The following ANK3 variants were observed in gnomAD, a reference collection of about 807,000 sequenced individuals.
ANK3 encodes the protein ankyrin 3.
In ANK3, 57 loss-of-function variants were observed where a neutral mutation model predicts 370.9. The observed-to-expected ratio is 0.15, with a 90% CI of 0.12 to 0.19. ANK3 has a LOEUF of 0.19. ANK3 is among the 10% of genes least tolerant of loss of function. The probability of loss-of-function intolerance (pLI) is 1.00; values close to 1 mark genes in which losing one functional copy is unlikely to be tolerated. For synonymous variants in ANK3, 1,929 were observed against 1,946.3 expected, an observed-to-expected ratio of 0.99 and a Z score of 0.23; for missense variants, 4,439 against 5,302.1, an observed-to-expected ratio of 0.84 and a Z score of 5.06.
At chr10:60,701,102 G>GA (rs2079539806) in intron 1 of ANK3, among the ~76,000 whole-genome samples, 1 of 151,766 alleles carries the variant, frequency 6.6e-6, no homozygotes, top group Admixed American at 6.6e-5. Context: ...ATGGTCTAAA[G>GA]AAACAGTTGA....
chr10:60,150,094 T>C (rs867756446), intron 23 of ANK3, among the ~76,000 whole-genome samples: 2 of 152,166 alleles, frequency 1.3e-5, no homozygotes, highest in African/African-American at 4.8e-5. Context: ...TCAGGTTTTT[T>C]CCCCTTCATC....
intron 42 of ANK3, among the ~76,000 whole-genome samples, chr10:60,051,783 GCA>G (rs2078080041): frequency 8.8e-6 from 1 of 114,032 alleles, no homozygotes; most frequent in South Asian, 2.8e-4. Context: ...ATTACTCTGT[GCA>G]TGTGTGTGTG....
intron 33 of ANK3, among the ~76,000 whole-genome samples, chr10:60,083,015 G>GT (rs535379074): frequency 1.4e-4 from 21 of 151,306 alleles, no homozygotes; most frequent in Admixed American, 3.3e-4. Context: ...CCTTCTAACA[G>GT]TTTTTTTTTC....
chr10:60,557,669 TTTATG>T (rs1479234435), intron 2 of ANK3, among the ~76,000 whole-genome samples: 1 of 152,154 alleles, frequency 6.6e-6, no homozygotes, highest in East Asian at 1.9e-4. Flanking sequence ...AATAGTAAAT[TTTATG>T]TTATGAGTAT....
intron 7 of ANK3, among the ~76,000 whole-genome samples, chr10:60,250,661 G>A (rs1023567645): frequency 1.1e-4 from 17 of 152,044 alleles, no homozygotes; most frequent in East Asian, 3.9e-4. Context: ...CACCGCACCC[G>A]GCCTGCTTTT....
upstream of ANK3, among the ~76,000 whole-genome samples, chr10:60,393,869 T>C (rs566102469): frequency 6.6e-6 from 1 of 151,878 alleles, no homozygotes; most frequent in South Asian, 2.1e-4. Flanking sequence ...AATATTACAC[T>C]GTACTATAAA....
At chr10:60,211,725 A>G (rs1441512078) in intron 9 of ANK3, among the ~76,000 whole-genome samples, 1 of 152,020 alleles carries the variant, frequency 6.6e-6, no homozygotes, top group Non-Finnish European at 1.5e-5. Context: ...TCAAAAAACT[A>G]TACCGCCTAA....
At position 60,278,084 on chromosome 10, in the gene ANK3, C is replaced by T. The variant is rs145201384; in HGVS notation, c.414+690G>A. Among the ~76,000 whole-genome samples, 12 of 152,220 alleles carry T rather than the reference C, an allele frequency of 7.9e-5. No homozygotes were observed. In the East Asian group the frequency reaches 2.3e-3, roughly 29 times the overall value. ...GATAAATGATAACCTATTGGTGTTC[C>T]TCTTAGAAATTCAATGAAAGACCAT... On this transcript the variant is annotated intron_variant, in intron 4 of 43. Transcript: ENST00000280772.
intron 28 of ANK3, among the ~76,000 whole-genome samples, chr10:60,093,182 C>T (rs2089116824): frequency 6.6e-6 from 1 of 152,218 alleles, no homozygotes; most frequent in Non-Finnish European, 1.5e-5. Context: ...ATATTTCCCT[C>T]TCCATGATTT....
At chr10:60,309,388 G>A (rs1432647007) in intron 1 of ANK3, among the ~76,000 whole-genome samples, 1 of 152,180 alleles carries the variant, frequency 6.6e-6, no homozygotes, top group Non-Finnish European at 1.5e-5. Context: ...CTCCTTCTCT[G>A]AGGGGCTCCA....
Position 60,029,580 on chromosome 10 carries a change from G to A in ANK3, c.*266C>T, listed in dbSNP as rs2072800445. The A allele has an allele frequency of 6.6e-6, 1 of 152,580 alleles. No homozygotes were observed. The highest frequency in any genetic ancestry group is 2.4e-5 in the African/African-American group (1 of 41,430). The allele number at this position is 152,580 out of a possible 1,614,324, so 9.5% of individuals were successfully genotyped here. On this transcript the variant is annotated 3_prime_UTR_variant, in exon 44 of 44. Transcript: ENST00000280772. ...TAAACTGTTAACAGCATGGCTTCTT[G>A]TATATACACTGCATTGCTAATTGCA...
At chr10:60,455,416 T>A (rs2064721034) in intron 2 of ANK3, among the ~76,000 whole-genome samples, 1 of 152,170 alleles carries the variant, frequency 6.6e-6, no homozygotes, top group Non-Finnish European at 1.5e-5. Flanking sequence ...AAATCTTTAT[T>A]CAAAGTATGC....
At chr10:60,503,971 T>C (rs2075869788) in intron 2 of ANK3, among the ~76,000 whole-genome samples, 2 of 152,192 alleles carry the variant, frequency 1.3e-5, no homozygotes, top group African/African-American at 4.8e-5. Flanking sequence ...AAAGAATGAT[T>C]CTAACAGTGA....
intron 16 of ANK3, among the ~76,000 whole-genome samples, chr10:60,191,972 G>A (rs1041334484): frequency 3.9e-4 from 60 of 151,964 alleles, no homozygotes; most frequent in African/African-American, 1.4e-3. Context: ...GCAGTGGCGC[G>A]GTCTTGGCTC....
intron 1 of ANK3, among the ~76,000 whole-genome samples, chr10:60,323,322 T>C (rs2049079833): frequency 6.6e-6 from 1 of 152,292 alleles, no homozygotes; most frequent in Middle Eastern, 3.4e-3. Context: ...GACAGCAGCT[T>C]ATGGAGGGAG....
chr10:60,232,083 C>A (rs530996530), intron 8 of ANK3, among the ~76,000 whole-genome samples: 4 of 152,152 alleles, frequency 2.6e-5, no homozygotes, highest in Non-Finnish European at 4.4e-5. Context: ...CCCTGTGACC[C>A]TCTATGCCCT....
At chr10:60,191,412 G>A (rs2096478492) in intron 16 of ANK3, among the ~76,000 whole-genome samples, 2 of 151,810 alleles carry the variant, frequency 1.3e-5, no homozygotes, top group Admixed American at 6.6e-5. Flanking sequence ...TAAAAAGAAG[G>A]CAAAGGACAC....
At chr10:60,701,007 AAT>A (rs2079538261) in intron 1 of ANK3, among the ~76,000 whole-genome samples, 3 of 152,104 alleles carry the variant, frequency 2.0e-5, no homozygotes. Flanking sequence ...AGCTGGTAAA[AAT>A]ATGATTTACA....
intron 2 of ANK3, among the ~76,000 whole-genome samples, chr10:60,505,371 A>G (rs1206891264): frequency 6.6e-6 from 1 of 152,048 alleles, no homozygotes; most frequent in Non-Finnish European, 1.5e-5. Flanking sequence ...GACTAAAAAA[A>G]TTCACTCATC....
Sources: gnomAD v4.1 joint callset for allele counts (sites outside exome capture counted in the v4.1 genomes callset) on GRCh38, gnomAD v4.1.1 for gene constraint, MANE v1.5 for transcripts, NCBI Gene and HGNC (gene_info 2026-07-23, HGNC 2026-07-21) for gene names.